TRPC6: variants seen among roughly 807,000 people sequenced by gnomAD.
TRPC6 encodes short transient receptor potential channel 6.
In TRPC6, 55 loss-of-function variants were observed where a neutral mutation model predicts 90.7. That is an observed-to-expected ratio of 0.61 (90% CI 0.49 to 0.76). The LOEUF (loss-of-function observed/expected upper bound fraction) is 0.76. Ranked by LOEUF, TRPC6 falls within the 30% of genes least tolerant of loss-of-function variation. The probability of loss-of-function intolerance (pLI) is 0.00; values close to 1 mark genes in which losing one functional copy is unlikely to be tolerated. For synonymous variants in TRPC6, 393 were observed against 393.0 expected (o/e 1.00, Z 0.00); for missense variants, 989 against 1,122.7 (o/e 0.88, Z 1.70).
At chr11:101,518,486 A>G (rs758048615) in intron 1 of TRPC6, among the ~76,000 whole-genome samples, 12 of 152,236 alleles carry the variant, frequency 7.9e-5, no homozygotes, top group Non-Finnish European at 1.8e-4. Context: ...AATCAATACT[A>G]CAATGAGATG....
chr11:101,463,901 G>T (rs907039505), intron 10 of TRPC6, among the ~76,000 whole-genome samples: 1 of 152,058 alleles, frequency 6.6e-6, no homozygotes, highest in South Asian at 2.1e-4. Flanking sequence ...TGATGTTAGG[G>T]TGTCAATTTT....
chr11:101,517,220 A>G (rs1310550061), intron 1 of TRPC6, among the ~76,000 whole-genome samples: 1 of 152,220 alleles, frequency 6.6e-6, no homozygotes, highest in African/African-American at 2.4e-5. Flanking sequence ...AGGAAAACAA[A>G]TTCAGTCAAA....
chr11:101,453,536 T>G (rs534026007), intron 12 of TRPC6, 114 bp downstream of exon 12: 26 of 1,031,462 alleles, frequency 2.5e-5, no homozygotes, highest in Non-Finnish European at 3.8e-5. Context: ...GTTCTACTTT[T>G]CCCCTTGAAG....
At chr11:101,494,619 C>A (rs1178173773) in intron 2 of TRPC6, among the ~76,000 whole-genome samples, 2 of 152,106 alleles carry the variant, frequency 1.3e-5, no homozygotes, top group African/African-American at 4.8e-5. Flanking sequence ...GCAGTGCTCT[C>A]TAGAATTCTA....
chr11:101,565,445 G>T (rs1457314084), intron 1 of TRPC6, among the ~76,000 whole-genome samples: 1 of 152,014 alleles, frequency 6.6e-6, no homozygotes. Context: ...TTTACACTGA[G>T]AATCCAAATG....
intron 5 of TRPC6, among the ~76,000 whole-genome samples, chr11:101,481,763 C>A (rs1859557867): frequency 6.6e-6 from 1 of 152,168 alleles, no homozygotes; most frequent in South Asian, 2.1e-4. Flanking sequence ...TTTAAAGCCA[C>A]CGTCTATCTC....
chr11:101,468,793 T>C (rs777869233), intron 10 of TRPC6, among the ~76,000 whole-genome samples: 6 of 152,146 alleles, frequency 3.9e-5, no homozygotes, highest in Non-Finnish European at 7.3e-5. Context: ...TTTATATTAC[T>C]ATGTGTAATT....
At chr11:101,551,159 A>T (rs547110398) in intron 1 of TRPC6, among the ~76,000 whole-genome samples, 15 of 151,994 alleles carry the variant, frequency 9.9e-5, no homozygotes, top group Non-Finnish European at 1.9e-4. Flanking sequence ...TCTTCAAGTC[A>T]ACATCCTTCT....
chr11:101,567,884 A>T (rs1261953530), intron 1 of TRPC6, among the ~76,000 whole-genome samples: 1 of 152,216 alleles, frequency 6.6e-6, no homozygotes, highest in Non-Finnish European at 1.5e-5. Flanking sequence ...TCAAATACAA[A>T]AGGTAGATAA....
chr11:101,533,297 C>T (rs1022701494), intron 1 of TRPC6, among the ~76,000 whole-genome samples: 6 of 152,070 alleles, frequency 3.9e-5, no homozygotes, highest in African/African-American at 1.4e-4. Context: ...ACGAGGCTTC[C>T]AATCATGGTG....
intron 1 of TRPC6, among the ~76,000 whole-genome samples, chr11:101,506,776 T>A (rs945751653): frequency 6.6e-6 from 1 of 152,186 alleles, no homozygotes; most frequent in African/African-American, 2.4e-5. Flanking sequence ...TTGTTTTTAA[T>A]TCCATTTTTA....
intron 4 of TRPC6, among the ~76,000 whole-genome samples, chr11:101,488,182 G>A (rs905138105): frequency 5.3e-5 from 8 of 152,100 alleles, no homozygotes; most frequent in South Asian, 2.1e-4. Context: ...CTTCAAAAAC[G>A]TGAAGAATAG....
At chr11:101,573,958 A>ATG (rs1275666976) in intron 1 of TRPC6, among the ~76,000 whole-genome samples, 8 of 104,422 alleles carry the variant, frequency 7.7e-5, no homozygotes, top group Non-Finnish European at 1.2e-4. Flanking sequence ...GTGTGTGTGT[A>ATG]TGTGTGTGTG....
chr11:101,506,074 TGAA>T (rs1295462029), intron 1 of TRPC6, among the ~76,000 whole-genome samples: 3 of 151,684 alleles, frequency 2.0e-5, no homozygotes, highest in Non-Finnish European at 4.4e-5. Flanking sequence ...AATGCTATAA[TGAA>T]GATTTTTTCG....
chr11:101,487,648 A>G (rs1196462937), intron 4 of TRPC6, among the ~76,000 whole-genome samples: 1 of 152,120 alleles, frequency 6.6e-6, no homozygotes, highest in African/African-American at 2.4e-5. Flanking sequence ...AAAAAAGTCA[A>G]TTTTCTAGAT....
intron 11 of TRPC6, 27 bp from the exon 12 acceptor site, chr11:101,453,752 A>G (rs200476311): frequency 2.5e-5 from 40 of 1,599,672 alleles, no homozygotes; most frequent in Non-Finnish European, 3.3e-5. Flanking sequence ...GGAGAAATCT[A>G]TGTCAGTTTC....
chr11:101,574,491 T>C (rs947146470), intron 1 of TRPC6, among the ~76,000 whole-genome samples: 1 of 151,282 alleles, frequency 6.6e-6, no homozygotes, highest in African/African-American at 2.5e-5. Flanking sequence ...TGGTATTCAT[T>C]GGTTACCCTA....
chr11:101,552,809 G>A (rs540785037), intron 1 of TRPC6, among the ~76,000 whole-genome samples: 34 of 152,166 alleles, frequency 2.2e-4, no homozygotes, highest in Admixed American at 5.9e-4. Context: ...CTAATTCTGG[G>A]TTCTGGTTAG....
At chr11:101,492,530 C>T (rs1049511803) in intron 2 of TRPC6, among the ~76,000 whole-genome samples, 5 of 151,956 alleles carry the variant, frequency 3.3e-5, no homozygotes, top group Non-Finnish European at 7.4e-5. Flanking sequence ...TGCAGTGATC[C>T]GTGATCATGC....
Sources: gnomAD v4.1 joint callset for allele counts (sites outside exome capture counted in the v4.1 genomes callset) on GRCh38, gnomAD v4.1.1 for gene constraint, MANE v1.5 for transcripts, NCBI Gene and HGNC (gene_info 2026-07-23, HGNC 2026-07-21) for gene names.